The following TMEM94 variants were observed in gnomAD, a reference collection of about 807,000 sequenced individuals.
TMEM94 encodes ER Mg2+ ATPase.
TMEM94 carries 81 observed loss-of-function variants against 158.6 expected under a neutral mutation model. The ratio of observed to expected loss-of-function variants is 0.51; its 90% CI spans 0.43 to 0.61. The LOEUF (loss-of-function observed/expected upper bound fraction) is 0.61. Ranked by LOEUF, TMEM94 falls within the 20% of genes least tolerant of loss-of-function variation. The pLI is 0.00. For missense variants in TMEM94, 1,435 were observed against 1,762.0 expected, an observed-to-expected ratio of 0.81 and a Z score of 3.32; for synonymous variants, 751 against 730.7, an observed-to-expected ratio of 1.03 and a Z score of -0.45.
rs1203508456 is a variant in TMEM94, at chr17:75,485,523, G to A, written c.120G>A (p.Glu40=). The A allele has an allele frequency of 6.2e-7, 1 of 1,614,236 alleles. No individual in the cohort carries two copies. The change falls in exon 3 of 32, where the codon GAG becomes GAA. Residue 40 remains glutamate, a synonymous_variant. Coordinates refer to ENST00000314256, the MANE Select transcript of TMEM94 (RefSeq NM_014738.6). This position sits in a 1 kb window ranked among gnomAD's most constrained non-coding sequence, Gnocchi z 5.5. The stretch of plus-strand genomic sequence containing the variant: ...CAGTGCTGGAAGGACATCTCAGGGA[G>A]CGGAAGAAGTGTCTGACGTGGAAGG... ...LEAVLEGHLR[E]RKKCLTWKEV...
At position 75,497,075 on chromosome 17, in the gene TMEM94, G is replaced by C; in HGVS notation, c.3322-38G>C. ...GCTCCTATGCCCTTATTATTTGCCT[G>C]AATTGAACTGTGGCTCTTGGCTTCT... On this transcript the variant is annotated intron_variant, in intron 25 of 31. Coordinates refer to ENST00000314256, the MANE Select transcript of TMEM94 (RefSeq NM_014738.6). 3 of 1,577,700 alleles carry C rather than the reference G, an allele frequency of 1.9e-6. No homozygotes were observed. The South Asian group carries it at 3.3e-5, about 17-fold the overall frequency.
chr17:75,465,640 G>T (rs1046261560), intron 1 of TMEM94, among the ~76,000 whole-genome samples: 1 of 31,392 alleles, frequency 3.2e-5, no homozygotes, highest in Non-Finnish European at 7.1e-5. Context: ...TCTTGTTACT[G>T]AGCTATAAGA....
In TMEM94 at chr17:75,489,861, A is replaced by G. The variant is rs373657667; in HGVS notation, c.954+199A>G. 1 of 609,546 alleles carries G rather than the reference A, an allele frequency of 1.6e-6. No individual in the cohort carries two copies. Among genetic ancestry groups the G allele is most frequent in the Non-Finnish European group, 2.9e-6 (1 of 341,190 alleles). The allele number at this position is 609,546 out of a possible 1,614,324, so 37.8% of individuals were successfully genotyped here. A position where few individuals can be genotyped will look rare whatever the true frequency, so the allele number is the denominator to read the frequency against. ...TTTGGGAGGCCACGGCAGGCAGATC[A>G]TGAGGTCAAGAGATCGAGACCATCC... On this transcript the variant is annotated intron_variant, in intron 9 of 31. Coordinates refer to ENST00000314256, the MANE Select transcript of TMEM94 (RefSeq NM_014738.6). The surrounding 1 kb of genome is among the most constrained non-coding windows in gnomAD (Gnocchi z 5.0).
chr17:75,496,108 C>A, intron 23 of TMEM94, 34 bp downstream of exon 23: 1 of 1,560,846 alleles, frequency 6.4e-7, no homozygotes, highest in East Asian at 2.3e-5. Context: ...GCGGGCCAGC[C>A]TCTACCTCCC....
chr17:75,487,847 C>A lies in TMEM94; in HGVS notation c.410-85C>A. Reference sequence around the variant, plus strand: ...CCTCCTGGGAGAGGAAGTGGGCAGACAGTGCTTCCGGAAGTGCTGCTGTAT... The same window carrying A: ...CCTCCTGGGAGAGGAAGTGGGCAGAAAGTGCTTCCGGAAGTGCTGCTGTAT... On this transcript the variant is annotated intron_variant, in intron 5 of 31. Transcript: ENST00000314256. This position sits in a 1 kb window ranked among gnomAD's most constrained non-coding sequence, Gnocchi z 4.6. The A allele has an allele frequency of 1.8e-6, 2 of 1,122,742 alleles. No individual in the cohort carries two copies. Among genetic ancestry groups the A allele is most frequent in the Non-Finnish European group, 2.7e-6 (2 of 752,898 alleles). 69.5% of individuals were successfully genotyped at this position (1,122,742 alleles called of 1,614,324 possible). A position where few individuals can be genotyped will look rare whatever the true frequency, so the allele number is the denominator to read the frequency against.
At chr17:75,475,963 C>T (rs1208905865) in intron 2 of TMEM94, among the ~76,000 whole-genome samples, 2 of 152,224 alleles carry the variant, frequency 1.3e-5, no homozygotes, top group Non-Finnish European at 2.9e-5. Context: ...CAAATCTTCT[C>T]AGCGGCCAGT....
At position 75,485,584 on chromosome 17, in the gene TMEM94, G is replaced by C. The variant is rs1029749385; in HGVS notation, c.144+37G>C. Reference sequence around the variant, plus strand: ...TCTCGGGGCTACCAGGGCCTGGCTGGGATGGCAGGGAAGTGTGGGAGGCCC... The same window carrying C: ...TCTCGGGGCTACCAGGGCCTGGCTGCGATGGCAGGGAAGTGTGGGAGGCCC... On this transcript the variant is annotated intron_variant, in intron 3 of 31. Coordinates refer to ENST00000314256, the MANE Select transcript of TMEM94 (RefSeq NM_014738.6). The surrounding 1 kb of genome is among the most constrained non-coding windows in gnomAD (Gnocchi z 5.5). The C allele has an allele frequency of 1.2e-5, 20 of 1,613,594 alleles. No individual in the cohort carries two copies. Among genetic ancestry groups the C allele is most frequent in the Non-Finnish European group, 1.7e-5 (20 of 1,179,618 alleles).
At chr17:75,497,682 C>A in intron 26 of TMEM94, 99 bp from the exon 27 acceptor site, 1 of 914,436 alleles carries the variant, frequency 1.1e-6, no homozygotes, top group South Asian at 1.4e-5. Context: ...CCTCACCAGA[C>A]TCGACCTCAC....
In TMEM94 at chr17:75,498,307, TC is replaced by T. The variant is rs1475321674; in HGVS notation, c.3624del (p.Val1209SerfsTer31). 2.5e-6 allele frequency: 4 copies of T among 1,613,022 alleles called. No homozygotes were observed. The highest frequency in any genetic ancestry group is 3.4e-6 in the Non-Finnish European group (4 of 1,180,016). On this transcript the variant is annotated frameshift_variant, in exon 28 of 32. Coordinates refer to ENST00000314256, the MANE Select transcript of TMEM94 (RefSeq NM_014738.6). LOFTEE classifies it high-confidence loss of function. This position sits in a 1 kb window ranked among gnomAD's most constrained non-coding sequence, Gnocchi z 6.7. ...GGACCGCAACCTCACCAACTGCTCCTCCGTCATGCTGCCCAGGTGGGTCCCA... is the reference window on the plus strand; with the variant it reads ...GGACCGCAACCTCACCAACTGCTCCTCGTCATGCTGCCCAGGTGGGTCCCA... ...SRDRNLTNCS[S>X]VMLPSNDDRA...
chr17:75,478,713 A>G (rs1219850573), intron 2 of TMEM94, among the ~76,000 whole-genome samples: 1 of 152,058 alleles, frequency 6.6e-6, no homozygotes, highest in African/African-American at 2.4e-5. Flanking sequence ...GAGCCGTGTT[A>G]TTTTCTCCTC....
At position 75,497,173 on chromosome 17, in the gene TMEM94, T is replaced by A. The variant is rs746388509; in HGVS notation, c.3382T>A (p.Ser1128Thr). Reference protein sequence around the residue: ...LLSTTDILWLSCFCYPLLSIS... With the variant: ...LLSTTDILWLTCFCYPLLSIS... ...GAGTACCACCGACATCCTGTGGCTGTCCTGCTTTTGCTACCCTCTGCTCAG... is the reference window on the plus strand; with the variant it reads ...GAGTACCACCGACATCCTGTGGCTGACCTGCTTTTGCTACCCTCTGCTCAG... The change falls in exon 26 of 32, where the codon TCC (serine) becomes ACC (threonine). Residue 1128 changes from serine to threonine, a missense_variant. Physicochemically the swap from Ser to Thr is moderately conservative, Grantham distance 58 (BLOSUM62 1). Around this residue, in one of 3 missense-constraint regions of TMEM94, gnomAD observed 335 missense variants for 409.1 expected, o/e 0.82. Coordinates refer to ENST00000314256, the MANE Select transcript of TMEM94 (RefSeq NM_014738.6). 6.2e-7 allele frequency: 1 copy of A among 1,613,988 alleles called. No individual in the cohort carries two copies. Among genetic ancestry groups the A allele is most frequent in the Non-Finnish European group, 8.5e-7 (1 of 1,179,978 alleles).
chr17:75,466,959 TA>T, intron 1 of TMEM94, among the ~76,000 whole-genome samples: 1 of 150,724 alleles, frequency 6.6e-6, no homozygotes, highest in South Asian at 2.1e-4. Context: ...ATATTTTTAT[TA>T]GAATAATTTC....
intron 1 of TMEM94, among the ~76,000 whole-genome samples, chr17:75,464,616 TTTCTTTCCTTCC>T (rs2050226226): frequency 1.1e-5 from 1 of 94,706 alleles, no homozygotes. Flanking sequence ...CCTTCCTTTC[TTTCTTTCCTTCC>T]TTCCTTCCTT....
chr17:75,492,679 G>C lies in TMEM94; in HGVS notation c.1802G>C (p.Arg601Pro). ...CTGTGTGATGCCAGCGTCACCGAGC[G>C]CCTGTGCCGATTCTCCGACCACCTG... ...LNLCDASVTE[R>P]LCRFSDHLCN... The change falls in exon 15 of 32, where the codon CGC (arginine) becomes CCC (proline). Residue 601 changes from arginine to proline, a missense_variant. By Grantham distance (103) the Arg-to-Pro change is moderately radical. Transcript: ENST00000314256. The surrounding 1 kb of genome is among the most constrained non-coding windows in gnomAD (Gnocchi z 4.4). The C allele has an allele frequency of 6.2e-7, 1 of 1,613,686 alleles. No individual in the cohort carries two copies. Among genetic ancestry groups the C allele is most frequent in the Non-Finnish European group, 8.5e-7 (1 of 1,179,992 alleles).
chr17:75,466,253 A>G (rs545063037), intron 1 of TMEM94, among the ~76,000 whole-genome samples: 73 of 152,232 alleles, frequency 4.8e-4, no homozygotes, highest in African/African-American at 1.7e-3. Context: ...ATTTTTGTAT[A>G]TGGTATGAAG....
At chr17:75,490,192 C>T (rs771781355) in intron 9 of TMEM94, 42 bp from the exon 10 acceptor site, 80 of 1,609,968 alleles carry the variant, frequency 5.0e-5, no homozygotes, top group Non-Finnish European at 6.8e-5. Flanking sequence ...CCTCCCCAGG[C>T]CCGGAGCTCA....
chr17:75,476,715 G>A (rs2050709433), intron 2 of TMEM94: 1 of 1,535,522 alleles, frequency 6.5e-7, no homozygotes, highest in Non-Finnish European at 8.7e-7. Flanking sequence ...GCAGAGCTAT[G>A]GATGCCCCAT....
intron 18 of TMEM94, 105 bp downstream of exon 18, chr17:75,494,021 A>T: frequency 9.0e-7 from 1 of 1,107,354 alleles, no homozygotes; most frequent in Non-Finnish European, 1.3e-6. Context: ...CCCCCACAGC[A>T]AAGGGGGCAG....
At position 75,488,758 on chromosome 17, in the gene TMEM94, G is replaced by C. The variant is rs1312590128; in HGVS notation, c.613-1G>C. 1 of 1,613,760 alleles carries C rather than the reference G, an allele frequency of 6.2e-7. No homozygotes were observed. The highest frequency in any genetic ancestry group is 8.5e-7 in the Non-Finnish European group (1 of 1,179,946). ...CCCACTCTCCCACTTGCTGCCGGCAGGATGACGAGCACATCGTCCTGGAGC... is the reference window on the plus strand; with the variant it reads ...CCCACTCTCCCACTTGCTGCCGGCACGATGACGAGCACATCGTCCTGGAGC... On this transcript the variant is annotated splice_acceptor_variant, in intron 6 of 31. Coordinates refer to ENST00000314256, the MANE Select transcript of TMEM94 (RefSeq NM_014738.6). LOFTEE classifies it high-confidence loss of function.
Sources: allele counts gnomAD v4.1 joint callset (sites outside exome capture counted in the v4.1 genomes callset), GRCh38; gene constraint gnomAD v4.1.1; regional missense constraint gnomAD v4.1.1; non-coding constraint Gnocchi (gnomAD v3.1); transcripts MANE v1.5; gene names NCBI Gene and HGNC (gene_info 2026-07-23, HGNC 2026-07-21).